Variants in PYGL observed in about 807,000 individuals in gnomAD.
PYGL encodes glycogen phosphorylase, liver form.
A neutral mutation model predicts 100.1 loss-of-function variants in PYGL; 90 were observed. The ratio of observed to expected loss-of-function variants is 0.90; its 90% CI spans 0.76 to 1.07. PYGL has a LOEUF of 1.07. Ranked by LOEUF, PYGL falls within the 50% of genes least tolerant of loss-of-function variation. The pLI is 0.00. For synonymous variants in PYGL, 373 were observed against 393.0 expected, an observed-to-expected ratio of 0.95 and a Z score of 0.60; for missense variants, 1,016 against 1,057.6, an observed-to-expected ratio of 0.96 and a Z score of 0.55.
In PYGL at chr14:50,916,724, TG is replaced by T. The variant is rs748886694; in HGVS notation, c.1009del (p.Gln337SerfsTer2). The T allele has an allele frequency of 6.2e-7, 1 of 1,613,962 alleles. No individual in the cohort carries two copies. Among genetic ancestry groups the T allele is most frequent in the South Asian group, 1.1e-5 (1 of 91,074 alleles). ...GAGTGCAGGGTGAGTGTCATTCAGC[TG>T]GATGGCCACCTGGGTGGGGAAAGAC... is the stretch of plus-strand genomic sequence containing the variant. ...FDAFPDQVAIQLNDTHPALAI... is the reference protein window; with the variant it reads ...FDAFPDQVAIXLNDTHPALAI... On this transcript the variant is annotated frameshift_variant, in exon 9 of 20. Coordinates refer to ENST00000216392, the MANE Select transcript of PYGL (RefSeq NM_002863.5). LOFTEE classifies it high-confidence loss of function.
At chr14:50,941,198 T>A (rs1050045191) in intron 1 of PYGL, among the ~76,000 whole-genome samples, 2 of 152,178 alleles carry the variant, frequency 1.3e-5, no homozygotes, top group Non-Finnish European at 2.9e-5. Flanking sequence ...CTCAAATGCC[T>A]TCAGGAGCTA....
chr14:50,912,476 G>T (rs897164381), intron 13 of PYGL, 173 bp from the exon 14 acceptor site: 2 of 780,402 alleles, frequency 2.6e-6, no homozygotes, highest in Admixed American at 2.2e-5. Context: ...ATCCTATCAG[G>T]GATTACAGGT....
chr14:50,908,012 A>AC (rs1173759352), intron 19 of PYGL: 1 of 354,044 alleles, frequency 2.8e-6, no homozygotes, highest in Non-Finnish European at 4.8e-6. Flanking sequence ...ACAGAGCGAG[A>AC]TCTGTCTCAA....
intron 10 of PYGL, 31 bp downstream of exon 10, chr14:50,915,794 T>C (rs1402294479): frequency 1.9e-6 from 3 of 1,605,804 alleles, no homozygotes; most frequent in Non-Finnish European, 2.6e-6. Flanking sequence ...CTTATGCTCA[T>C]GAACAGAGAA....
intron 4 of PYGL, 71 bp from the exon 5 acceptor site, chr14:50,924,171 A>C: frequency 6.6e-7 from 1 of 1,523,950 alleles, no homozygotes; most frequent in South Asian, 1.2e-5. Flanking sequence ...CAATTATATT[A>C]TATTAAATTT....
intron 4 of PYGL, among the ~76,000 whole-genome samples, chr14:50,927,161 T>C (rs1180974949): frequency 1.3e-5 from 2 of 152,158 alleles, no homozygotes; most frequent in Non-Finnish European, 2.9e-5. Context: ...GGCACTGAAC[T>C]TCCTCCTGTG....
intron 6 of PYGL, 119 bp from the exon 7 acceptor site, chr14:50,920,742 C>A: frequency 8.5e-7 from 1 of 1,173,172 alleles, no homozygotes; most frequent in Non-Finnish European, 1.3e-6. Context: ...CTAAAAATCC[C>A]AAAGGATTTC....
intron 4 of PYGL, among the ~76,000 whole-genome samples, chr14:50,925,168 T>C (rs2050536072): frequency 1.3e-5 from 2 of 152,216 alleles, no homozygotes; most frequent in Non-Finnish European, 1.5e-5. Context: ...CACGTTACTG[T>C]GCTGAATACT....
At chr14:50,913,169 T>A (rs2050415400) in intron 12 of PYGL, 39 bp from the exon 13 acceptor site, 1 of 1,589,788 alleles carries the variant, frequency 6.3e-7, no homozygotes, top group African/African-American at 1.3e-5. Flanking sequence ...AATTTGGGGA[T>A]GGTAATCAAG....
At position 50,914,700 on chromosome 14, in the gene PYGL, C is replaced by T; in HGVS notation, c.1518+1G>A. ...CTTTCCTCTCAGCACTTCCCAGTTA[C>T]CTCTGCTATGAGCTCTGCAAGTCCT... On this transcript the variant is annotated splice_donor_variant, in intron 12 of 19. Transcript: ENST00000216392. LOFTEE classifies it high-confidence loss of function. The T allele has an allele frequency of 6.2e-7, 1 of 1,608,150 alleles. No homozygotes were observed. The highest frequency in any genetic ancestry group is 2.2e-5 in the East Asian group (1 of 44,842).
intron 12 of PYGL, 168 bp from the exon 13 acceptor site, chr14:50,913,298 A>G: frequency 6.9e-6 from 4 of 576,046 alleles, no homozygotes; most frequent in South Asian, 6.2e-5. Flanking sequence ...CTATGTGAGA[A>G]GAACACTTTT....
At chr14:50,912,771 T>C (rs896559530) in intron 13 of PYGL, among the ~76,000 whole-genome samples, 11 of 152,008 alleles carry the variant, frequency 7.2e-5, no homozygotes, top group African/African-American at 2.7e-4. Context: ...CTAGCCAACA[T>C]AGTGTAACCC....
At chr14:50,919,684 TG>T (rs2050483278) in intron 7 of PYGL, among the ~76,000 whole-genome samples, 1 of 152,128 alleles carries the variant, frequency 6.6e-6, no homozygotes, top group African/African-American at 2.4e-5. Context: ...TGTGTGTGTG[TG>T]TGTGTGTGTG....
chr14:50,911,861 C>A lies in PYGL; in HGVS notation c.1838G>T (p.Gly613Val), dbSNP rs773030482. 2 of 1,578,230 alleles carry A rather than the reference C, an allele frequency of 1.3e-6. No individual in the cohort carries two copies. The highest frequency in any genetic ancestry group is 1.7e-6 in the Non-Finnish European group (2 of 1,172,398). ...TVIIGGKAAP[G>V]YHMAKMIIKL... ...TATGATCATTTTGGCCATGTGATAT[C>A]CTGGGGCAGCCTTTGGGGAAGAAGG... is the stretch of plus-strand genomic sequence containing the variant. The change falls in exon 16 of 20, where the codon GGA becomes GTA. Residue 613 changes from glycine (G) to valine (V), a missense_variant. Transcript: ENST00000216392.
chr14:50,912,729 G>C (rs892937826), intron 13 of PYGL, among the ~76,000 whole-genome samples: 7 of 152,048 alleles, frequency 4.6e-5, no homozygotes, highest in Admixed American at 2.0e-4. Flanking sequence ...CGAGGCGGGT[G>C]GATCACTTGA....
intron 3 of PYGL, 129 bp from the exon 4 acceptor site, chr14:50,931,905 C>A: frequency 2.7e-6 from 2 of 734,412 alleles, no homozygotes; most frequent in Non-Finnish European, 5.0e-6. Context: ...TTCTAAAGCA[C>A]AGATACTACT....
chr14:50,908,786 G>A (rs769352143), intron 18 of PYGL, 35 bp downstream of exon 18: 4 of 1,534,860 alleles, frequency 2.6e-6, no homozygotes, highest in Admixed American at 3.3e-5. Context: ...CCCCTTTCAT[G>A]ATCCAAATAG....
In PYGL at chr14:50,912,078, C is replaced by G. The variant is rs370950335; in HGVS notation, c.1769-42G>C. The G allele has an allele frequency of 2.5e-6, 4 of 1,612,836 alleles. No homozygotes were observed. The Admixed American group carries it at 6.7e-5, about 27-fold the overall frequency. On this transcript the variant is annotated intron_variant, in intron 14 of 19. Transcript: ENST00000216392. ...AGTGGATGAAATGGAAGACAGCTGA[C>G]GGTCAGGGCAGTGAGACCTATGCTG...
chr14:50,911,820 C>A lies in PYGL; in HGVS notation c.1879G>T (p.Val627Leu), dbSNP rs1323288836. The change falls in exon 16 of 20, where the codon GTG (valine) becomes TTG (leucine). Residue 627 changes from valine (V) to leucine (L), a missense_variant. Physicochemically the swap from Val to Leu is conservative, Grantham distance 32. Coordinates refer to ENST00000216392, the MANE Select transcript of PYGL (RefSeq NM_002863.5). ...AKMIIKLITS[V>L]ADVVNNDPMV... is the part of the protein sequence containing the mutation. ...GGGTCATTGTTCACCACATCTGCCA[C>A]TGAAGTGATCAGCTTTATGATCATT... 2 of 1,614,084 alleles carry A rather than the reference C, an allele frequency of 1.2e-6. No individual in the cohort carries two copies. The highest frequency in any genetic ancestry group is 1.7e-6 in the Non-Finnish European group (2 of 1,180,034).
Sources: gnomAD v4.1 joint callset for allele counts (sites outside exome capture counted in the v4.1 genomes callset) on GRCh38, gnomAD v4.1.1 for gene constraint, MANE v1.5 for transcripts, NCBI Gene and HGNC (gene_info 2026-07-23, HGNC 2026-07-21) for gene names.